The following RUNX2 variants were observed in gnomAD, a reference collection of about 807,000 sequenced individuals.
The protein encoded by RUNX2 is runt-related transcription factor 2.
A neutral mutation model predicts 51.7 loss-of-function variants in RUNX2; 10 were observed. The observed-to-expected ratio is 0.19, with a 90% CI of 0.12 to 0.33. RUNX2 has a LOEUF of 0.33. RUNX2 is among the 10% of genes least tolerant of loss of function. RUNX2 has a pLI of 1.00. For missense variants in RUNX2, 562 were observed against 691.3 expected (o/e 0.81, Z 2.10); for synonymous variants, 276 against 273.6 (o/e 1.01, Z -0.09).
chr6:45,490,265 G>T (rs1800422623), intron 5 of RUNX2, among the ~76,000 whole-genome samples: 1 of 152,126 alleles, frequency 6.6e-6, no homozygotes, highest in Non-Finnish European at 1.5e-5. Flanking sequence ...CAGTAATGGT[G>T]GGGAAAACAA....
intron 5 of RUNX2, among the ~76,000 whole-genome samples, chr6:45,462,695 T>C (rs1799509246): frequency 6.6e-6 from 1 of 152,216 alleles, no homozygotes; most frequent in Admixed American, 6.5e-5. Context: ...AAAGCACATG[T>C]TCAGTGGTTA....
chr6:45,453,470 G>C (rs1362089972), intron 5 of RUNX2, among the ~76,000 whole-genome samples: 1 of 152,186 alleles, frequency 6.6e-6, no homozygotes, highest in East Asian at 1.9e-4. Context: ...TGAAGCAACA[G>C]AACACCCACT....
At chr6:45,438,130 T>C in intron 5 of RUNX2, 79 bp downstream of exon 5, 1 of 925,192 alleles carries the variant, frequency 1.1e-6, no homozygotes, top group Non-Finnish European at 1.8e-6. Context: ...AATGAGTTAG[T>C]GTCACTTTCA....
rs1013807678 is a variant in RUNX2, at chr6:45,493,104, C to A, written c.859+990C>A. On this transcript the variant is annotated intron_variant, in intron 6 of 8. Coordinates refer to ENST00000647337, the MANE Select transcript of RUNX2 (RefSeq NM_001024630.4). The stretch of plus-strand genomic sequence containing the variant: ...TAAGCAGAATGACCTATCTCTTCTT[C>A]TCTCCTGCCCATATTATGTAAATGT... 3.9e-5 allele frequency among the ~76,000 whole-genome samples: 6 copies of A among 152,274 alleles called. No homozygotes were observed. In the Middle Eastern group the frequency reaches 0.017, roughly 432 times the overall value.
chr6:45,430,657 T>C (rs1289221321), intron 3 of RUNX2, among the ~76,000 whole-genome samples: 3 of 152,114 alleles, frequency 2.0e-5, no homozygotes, highest in Admixed American at 1.3e-4. Flanking sequence ...GTTTGTCTTA[T>C]GGAAATCTTG....
At chr6:45,539,181 G>A (rs1802140517) in intron 7 of RUNX2, among the ~76,000 whole-genome samples, 1 of 149,304 alleles carries the variant, frequency 6.7e-6, no homozygotes, top group Non-Finnish European at 1.5e-5. Context: ...GTGGGTTTAA[G>A]GAATGGCTGA....
intron 2 of RUNX2, among the ~76,000 whole-genome samples, chr6:45,392,111 G>C (rs1315763760): frequency 6.6e-6 from 1 of 152,030 alleles, no homozygotes; most frequent in Non-Finnish European, 1.5e-5. Context: ...AGAGGCTCTG[G>C]GGAACTCAGA....
chr6:45,475,940 T>C (rs1259497878), intron 5 of RUNX2, among the ~76,000 whole-genome samples: 3 of 152,236 alleles, frequency 2.0e-5, no homozygotes, highest in Non-Finnish European at 4.4e-5. Context: ...TTCTAGATTT[T>C]AGCAACCTCT....
chr6:45,457,222 A>G (rs1438798318), intron 5 of RUNX2, among the ~76,000 whole-genome samples: 1 of 152,188 alleles, frequency 6.6e-6, no homozygotes. Context: ...GGAGAAAAAG[A>G]GATATGTAGA....
chr6:45,441,351 G>C (rs1310128158), intron 5 of RUNX2, among the ~76,000 whole-genome samples: 1 of 152,140 alleles, frequency 6.6e-6, no homozygotes, highest in East Asian at 1.9e-4. Flanking sequence ...GGACTGCTTG[G>C]ATCGAAATCC....
intron 5 of RUNX2, among the ~76,000 whole-genome samples, chr6:45,486,637 T>C (rs569587787): frequency 6.6e-6 from 1 of 152,270 alleles, no homozygotes; most frequent in African/African-American, 2.4e-5. Flanking sequence ...GGGCATCACA[T>C]GGCACACTCT....
intron 6 of RUNX2, among the ~76,000 whole-genome samples, chr6:45,495,187 C>T (rs1279012944): frequency 6.6e-6 from 1 of 152,244 alleles, no homozygotes; most frequent in East Asian, 1.9e-4. Flanking sequence ...TACCCTGCTA[C>T]ATTGTACATT....
intron 3 of RUNX2, 98 bp downstream of exon 3, chr6:45,423,055 A>G (rs2150362806): frequency 1.3e-6 from 2 of 1,492,188 alleles, no homozygotes; most frequent in Non-Finnish European, 9.0e-7. Context: ...ACGTCCTCCA[A>G]GACCTCCTGC....
At chr6:45,488,290 T>C (rs1184895673) in intron 5 of RUNX2, among the ~76,000 whole-genome samples, 1 of 152,154 alleles carries the variant, frequency 6.6e-6, no homozygotes, top group Non-Finnish European at 1.5e-5. Context: ...GTGGCTAGTG[T>C]CATTTACTGA....
At chr6:45,537,725 C>T (rs1309239523) in intron 7 of RUNX2, among the ~76,000 whole-genome samples, 1 of 152,096 alleles carries the variant, frequency 6.6e-6, no homozygotes, top group African/African-American at 2.4e-5. Context: ...TTCTAGTTCC[C>T]AGCCCATCAT....
At chr6:45,382,218 A>C (rs999761421) in intron 2 of RUNX2, among the ~76,000 whole-genome samples, 19 of 152,226 alleles carry the variant, frequency 1.2e-4, no homozygotes, top group African/African-American at 3.9e-4. Flanking sequence ...TGTACCTGAC[A>C]CTATTCTCGA....
At chr6:45,372,365 G>C (rs1303669186) in intron 2 of RUNX2, among the ~76,000 whole-genome samples, 1 of 152,182 alleles carries the variant, frequency 6.6e-6, no homozygotes, top group Non-Finnish European at 1.5e-5. Context: ...CAAAAGCATA[G>C]CTTCTTGAAA....
intron 5 of RUNX2, among the ~76,000 whole-genome samples, chr6:45,461,124 T>G (rs561984870): frequency 3.1e-4 from 47 of 152,248 alleles, no homozygotes; most frequent in Middle Eastern, 6.8e-3. Context: ...AGAGGATGAA[T>G]GTTGGGGAGA....
intron 2 of RUNX2, among the ~76,000 whole-genome samples, chr6:45,391,175 T>C (rs1797461080): frequency 6.6e-6 from 1 of 152,158 alleles, no homozygotes; most frequent in African/African-American, 2.4e-5. Context: ...CATTTTGAAA[T>C]GTGATTCCCA....
Sources: gnomAD v4.1 joint callset for allele counts (sites outside exome capture counted in the v4.1 genomes callset) on GRCh38, gnomAD v4.1.1 for gene constraint, MANE v1.5 for transcripts, NCBI Gene and HGNC (gene_info 2026-07-23, HGNC 2026-07-21) for gene names.